Variants in GPSM1 observed in about 807,000 individuals in gnomAD.
The protein encoded by GPSM1 is G protein signaling modulator 1.
Under a neutral mutation model 70.5 loss-of-function variants are expected in GPSM1, and 48 were observed. That is an observed-to-expected ratio of 0.68 (90% CI 0.54 to 0.87). The LOEUF is 0.87. Ranked by LOEUF, GPSM1 falls within the 40% of genes least tolerant of loss-of-function variation. GPSM1 has a pLI of 0.00. For missense variants in GPSM1, 981 were observed against 972.6 expected (o/e 1.01, Z -0.11); for synonymous variants, 416 against 430.1 (o/e 0.97, Z 0.41).
At chr9:136,332,003 G>A in intron 1 of GPSM1, 2 of 398,634 alleles carry the variant, frequency 5.0e-6, no homozygotes, top group Non-Finnish European at 8.9e-6. Context: ...CCTGGGGCCT[G>A]GCGATGCCAT....
chr9:136,347,153 C>T (rs1165876337), intron 9 of GPSM1, among the ~76,000 whole-genome samples: 2 of 151,992 alleles, frequency 1.3e-5, no homozygotes, highest in African/African-American at 2.4e-5. Context: ...GGGATGAGTG[C>T]GGAGGGGAAC....
intron 1 of GPSM1, among the ~76,000 whole-genome samples, chr9:136,333,659 G>A (rs933929358): frequency 4.6e-5 from 7 of 152,198 alleles, no homozygotes; most frequent in East Asian, 1.9e-4. Flanking sequence ...GCGCTCACAC[G>A]GCGGAGTTCA....
chr9:136,349,845 G>A, intron 11 of GPSM1, 82 bp downstream of exon 11: 3 of 1,343,500 alleles, frequency 2.2e-6, no homozygotes, highest in Non-Finnish European at 3.0e-6. Flanking sequence ...CAGCCAACGG[G>A]GCCAGGTCAG....
chr9:136,333,465 A>G (rs933627120), intron 1 of GPSM1, among the ~76,000 whole-genome samples: 13 of 151,878 alleles, frequency 8.6e-5, no homozygotes, highest in Non-Finnish European at 1.8e-4. Flanking sequence ...CAGCTCCCCA[A>G]GGCCCAGGGT....
chr9:136,340,994 G>T lies in GPSM1; in HGVS notation c.1207+1G>T, dbSNP rs782392348. ...GACCTGGCCGGCTATGAGGCCCAGG[G>T]TGAGTTCCAGGGTTGTGGGGGGGTC... On this transcript the variant is annotated splice_donor_variant, in intron 9 of 13. Transcript: ENST00000440944. LOFTEE classifies it high-confidence loss of function. The surrounding 1 kb of genome is among the most constrained non-coding windows in gnomAD (Gnocchi z 7.3). 2 of 1,567,030 alleles carry T rather than the reference G, an allele frequency of 1.3e-6. No individual in the cohort carries two copies. The highest frequency in any genetic ancestry group is 8.6e-7 in the Non-Finnish European group (1 of 1,156,436).
In GPSM1 at chr9:136,355,664, C is replaced by T. The variant is rs782070717; in HGVS notation, c.1456-26C>T. On this transcript the variant is annotated intron_variant, in intron 11 of 13. Coordinates refer to ENST00000440944, the MANE Select transcript of GPSM1 (RefSeq NM_001145638.3). ...TGGGGGTCTGCGGGGCTAGCTTTGG[C>T]TGCGGTGACCCCACTCCCTCCCCAG... is the stretch of plus-strand genomic sequence containing the variant. 4 of 1,606,334 alleles carry T rather than the reference C, an allele frequency of 2.5e-6. No homozygotes were observed. The East Asian group carries it at 8.9e-5, about 36-fold the overall frequency.
intron 7 of GPSM1, 48 bp from the exon 8 acceptor site, chr9:136,339,659 G>A (rs1832337108): frequency 7.7e-7 from 1 of 1,301,988 alleles, no homozygotes; most frequent in Non-Finnish European, 1.1e-6. Flanking sequence ...TGGGGCTGGG[G>A]GCTGGCCTGG....
At chr9:136,345,797 A>G (rs1832509618) in intron 9 of GPSM1, among the ~76,000 whole-genome samples, 1 of 152,192 alleles carries the variant, frequency 6.6e-6, no homozygotes, top group African/African-American at 2.4e-5. Flanking sequence ...TGTGGGGAGC[A>G]GGCCCCGAAC....
rs143841773 is a variant in GPSM1 at position 136,337,480 on chromosome 9, G to A, written c.618G>A (p.Ala206=). The stretch of plus-strand genomic sequence containing the variant: ...TGGTGAAGGAGCTGGGCGACCGTGC[G>A]GCGCAGGGCAGGGCCTACGGCAACC... ...LSLVKELGDR[A]AQGRAYGNLG... The change falls in exon 5 of 14, where the codon GCG becomes GCA. Residue 206 remains alanine (A), a synonymous_variant. Coordinates refer to ENST00000440944, the MANE Select transcript of GPSM1 (RefSeq NM_001145638.3). 3,264 of 1,567,592 alleles carry A rather than the reference G, an allele frequency of 2.1e-3. 9 individuals carry two copies. The highest frequency in any genetic ancestry group is 2.3e-3 in the Non-Finnish European group (2,625 of 1,156,442).
Position 136,342,669 on chromosome 9 carries a change from C to A in GPSM1, c.1207+1676C>A, listed in dbSNP as rs1832420668. 6.6e-6 allele frequency among the ~76,000 whole-genome samples: 1 copy of A among 152,190 alleles called. No individual in the cohort carries two copies. The highest frequency in any genetic ancestry group is 6.5e-5 in the Admixed American group (1 of 15,290). On this transcript the variant is annotated intron_variant, in intron 9 of 13. Transcript: ENST00000440944. This position sits in a 1 kb window ranked among gnomAD's most constrained non-coding sequence, Gnocchi z 5.5. ...AGGGCCTTGAGGCCGGGAGTCTGGACCCGGCGTTGCGGGTTGGGGGCGCCA... is the reference window on the plus strand; with the variant it reads ...AGGGCCTTGAGGCCGGGAGTCTGGAACCGGCGTTGCGGGTTGGGGGCGCCA...
At chr9:136,332,320 T>A (rs1832120246) in intron 1 of GPSM1, 1 of 397,586 alleles carries the variant, frequency 2.5e-6, no homozygotes, top group Non-Finnish European at 4.4e-6. Context: ...AGGTGCAGAA[T>A]GACAGAGGCC....
intron 5 of GPSM1, 50 bp from the exon 6 acceptor site, chr9:136,337,796 A>G (rs1554769534): frequency 2.1e-6 from 3 of 1,423,414 alleles, no homozygotes; most frequent in African/African-American, 1.4e-5. Flanking sequence ...CGCCCACGTC[A>G]GGCCCCGGGG....
Position 136,358,629 on chromosome 9 carries a change from C to A in GPSM1, c.*409C>A, listed in dbSNP as rs1157011372. 3 of 299,568 alleles carry A rather than the reference C, an allele frequency of 1.0e-5. No homozygotes were observed. The highest frequency in any genetic ancestry group is 1.9e-5 in the Non-Finnish European group (3 of 160,488). The allele number at this position is 299,568 out of a possible 1,614,324, so 18.6% of individuals were successfully genotyped here. Reference sequence around the variant, plus strand: ...CTCTTGGGGCCACCAAGGACAGGGCCATGTTCTGTCCCCCCAGAGCTGGTC... The same window carrying A: ...CTCTTGGGGCCACCAAGGACAGGGCAATGTTCTGTCCCCCCAGAGCTGGTC... On this transcript the variant is annotated 3_prime_UTR_variant, in exon 14 of 14. Transcript: ENST00000440944.
chr9:136,340,835 C>T lies in GPSM1; in HGVS notation c.1084-35C>T. On this transcript the variant is annotated intron_variant, in intron 8 of 13. Coordinates refer to ENST00000440944, the MANE Select transcript of GPSM1 (RefSeq NM_001145638.3). The surrounding 1 kb of genome is among the most constrained non-coding windows in gnomAD (Gnocchi z 7.3). Reference sequence around the variant, plus strand: ...TGGAGCCCACAGCAGGGCCCCCAGCCACACCTGCCCGCTCCGCCACCCCAC... The same window carrying T: ...TGGAGCCCACAGCAGGGCCCCCAGCTACACCTGCCCGCTCCGCCACCCCAC... 1 of 1,536,030 alleles carries T rather than the reference C, an allele frequency of 6.5e-7. No homozygotes were observed. Among genetic ancestry groups the T allele is most frequent in the East Asian group, 2.4e-5 (1 of 41,326 alleles).
chr9:136,358,459 G>C lies in GPSM1; in HGVS notation c.*239G>C. ...TCCCTTCTGCCCCTGCCGCAGGCCGGACGGGGCCTTCGGCATGTCGGCCCC... is the reference window on the plus strand; with the variant it reads ...TCCCTTCTGCCCCTGCCGCAGGCCGCACGGGGCCTTCGGCATGTCGGCCCC... On this transcript the variant is annotated 3_prime_UTR_variant, in exon 14 of 14. Coordinates refer to ENST00000440944, the MANE Select transcript of GPSM1 (RefSeq NM_001145638.3). 1.8e-6 allele frequency: 1 copy of C among 559,470 alleles called. No homozygotes were observed. The highest frequency in any genetic ancestry group is 2.3e-5 in the South Asian group (1 of 44,154). The allele number at this position is 559,470 out of a possible 1,614,324, so 34.7% of individuals were successfully genotyped here.
At position 136,352,228 on chromosome 9, in the gene GPSM1, TGCTGCGCCGTTGCTGTTGGTG is replaced by T. The variant is rs1554772265; in HGVS notation, c.1455+2466_1455+2486del. Among the ~76,000 whole-genome samples, 6 of 62,022 alleles carry T rather than the reference TGCTGCGCCGTTGCTGTTGGTG, an allele frequency of 9.7e-5. 2 individuals carry two copies. The highest frequency in any genetic ancestry group is 4.1e-4 in the African/African-American group (6 of 14,720). The allele number at this position is 62,022 out of a possible 152,430, so 40.7% of individuals were successfully genotyped here. The stretch of plus-strand genomic sequence containing the variant: ...GCGCCGTTGCTGTTGGTGACACCGA[TGCTGCGCCGTTGCTGTTGGTG>T]ACACCGATGCTGCGCCGTTGCTGTT... On this transcript the variant is annotated intron_variant, in intron 11 of 13. Transcript: ENST00000440944.
In GPSM1 at chr9:136,358,025, C is replaced by T. The variant is rs1554773492; in HGVS notation, c.1833C>T (p.Ile611=). The T allele has an allele frequency of 4.3e-6, 7 of 1,612,394 alleles. 1 individual carries two copies. In the East Asian group the frequency reaches 1.3e-4, roughly 31 times the overall value. The change falls in exon 14 of 14, where the codon ATC becomes ATT. Residue 611 remains isoleucine, a synonymous_variant. Coordinates refer to ENST00000440944, the MANE Select transcript of GPSM1 (RefSeq NM_001145638.3). ...CTGTGTCCACCCAGTCCTCCAGGAT[C>T]GATGACCAGCGCTGCCCGCCACCTG... The part of the protein sequence containing the change: ...NMLIKYQSSR[I]DDQRCPPPDV...
At position 136,356,641 on chromosome 9, in the gene GPSM1, G is replaced by A. The variant is rs189309689; in HGVS notation, c.1821+91G>A. The A allele has an allele frequency of 3.3e-4, 299 of 907,800 alleles. 1 individual carries two copies. The highest frequency in any genetic ancestry group is 4.8e-4 in the Non-Finnish European group (284 of 593,040). The allele number at this position is 907,800 out of a possible 1,614,324, so 56.2% of individuals were successfully genotyped here. ...TTGTGTCCTGAGGGGTGAGGTGGGC[G>A]CTGGTTCTGCCATCTCCGGTCATGT... is the stretch of plus-strand genomic sequence containing the variant. On this transcript the variant is annotated intron_variant, in intron 13 of 13. Coordinates refer to ENST00000440944, the MANE Select transcript of GPSM1 (RefSeq NM_001145638.3).
intron 10 of GPSM1, 71 bp downstream of exon 10, chr9:136,348,838 A>G: frequency 8.5e-7 from 1 of 1,172,984 alleles, no homozygotes; most frequent in Non-Finnish European, 1.3e-6. Context: ...TTAATGAGGC[A>G]GAGCCACCGC....
Sources: gnomAD v4.1 joint callset for allele counts (sites outside exome capture counted in the v4.1 genomes callset) on GRCh38, gnomAD v4.1.1 for gene constraint, Gnocchi (gnomAD v3.1) non-coding constraint, MANE v1.5 for transcripts, NCBI Gene and HGNC (gene_info 2026-07-23, HGNC 2026-07-21) for gene names.